The following FANCB variants were observed in gnomAD, a reference collection of about 807,000 sequenced individuals.
The protein encoded by FANCB is Fanconi anemia group B protein.
FANCB carries 5 observed loss-of-function variants against 38.9 expected under a neutral mutation model. The ratio of observed to expected loss-of-function variants is 0.13; its 90% CI spans 0.07 to 0.27. The LOEUF is 0.27. Among genes scored for constraint, FANCB ranks in the 10% least tolerant of loss-of-function variants. The pLI is 1.00. For synonymous variants in FANCB, 236 were observed against 215.4 expected, an observed-to-expected ratio of 1.10 and a Z score of -0.84; for missense variants, 573 against 602.7, an observed-to-expected ratio of 0.95 and a Z score of 0.52.
Position 14,865,457 on chromosome X carries a change from A to G in FANCB, c.54T>C (p.Tyr18=), listed in dbSNP as rs763676399. ...ACTGGAAAACAAGGACTTCCCCATT[A>G]TAACACAAGAGCCTTTCTTGTTCGT... ...SSNEQERLLC[Y]NGEVLVFQLS... Residue 18 remains tyrosine (Y), a synonymous_variant, in exon 3 of 10, where the codon TAT becomes TAC. Coordinates refer to ENST00000650831, the MANE Select transcript of FANCB (RefSeq NM_001018113.3). The G allele has an allele frequency of 1.7e-6, 2 of 1,208,322 alleles. No homozygotes were observed. The highest frequency in any genetic ancestry group is 4.4e-5 in the Admixed American group (2 of 45,777).
downstream of FANCB, among the ~76,000 whole-genome samples, chrX:14,839,120 C>G (rs1768706699): frequency 9.1e-6 from 1 of 110,454 alleles, no homozygotes; most frequent in Admixed American, 9.7e-5. Context: ...ATGGTGAAAC[C>G]CCATCTCTAC....
At chrX:14,743,138 C>T in the FANCB span, among the ~76,000 whole-genome samples, 8 of 111,993 alleles carry the variant, frequency 7.1e-5, no homozygotes, top group East Asian at 1.4e-3. Context: ...ACCACCACCA[C>T]CATGATCATA....
chrX:14,750,545 T>A, the FANCB span, among the ~76,000 whole-genome samples: 1 of 111,453 alleles, frequency 9.0e-6, no homozygotes, highest in Admixed American at 9.5e-5. Context: ...TGGTGAGAAC[T>A]TTTTATACAT....
At chrX:14,754,244 T>C in the FANCB span, among the ~76,000 whole-genome samples, 1 of 112,286 alleles carries the variant, frequency 8.9e-6, no homozygotes, top group Admixed American at 9.4e-5. Flanking sequence ...AAAAACATCA[T>C]AGGGGAGACT....
At chrX:14,845,971 T>C (rs767427648) in intron 7 of FANCB, among the ~76,000 whole-genome samples, 3 of 111,942 alleles carry the variant, frequency 2.7e-5, no homozygotes, top group Non-Finnish European at 5.7e-5. Flanking sequence ...AATTTAATAC[T>C]GAAAACTCCT....
the FANCB span, among the ~76,000 whole-genome samples, chrX:14,773,118 T>C: frequency 1.8e-5 from 2 of 112,488 alleles, no homozygotes; most frequent in African/African-American, 6.5e-5. Context: ...TGCCACAGAC[T>C]GCAGATGCTT....
chrX:14,746,352 G>C, the FANCB span, among the ~76,000 whole-genome samples: 6 of 111,921 alleles, frequency 5.4e-5, no homozygotes, highest in Non-Finnish European at 1.1e-4. Context: ...GCCATTACAA[G>C]ATTTTAAGAG....
the FANCB span, among the ~76,000 whole-genome samples, chrX:14,722,705 C>G: frequency 1.8e-4 from 20 of 111,795 alleles, no homozygotes; most frequent in East Asian, 2.0e-3. Flanking sequence ...GGAACTGCTT[C>G]TCTTCTCTTT....
the FANCB span, among the ~76,000 whole-genome samples, chrX:14,810,111 T>C: frequency 8.9e-6 from 1 of 112,158 alleles, no homozygotes; most frequent in Non-Finnish European, 1.9e-5. Flanking sequence ...GGGTCCTGTC[T>C]GTTAGAAGGA....
chrX:14,806,729 A>C, the FANCB span, among the ~76,000 whole-genome samples: 2 of 112,132 alleles, frequency 1.8e-5, no homozygotes, highest in African/African-American at 6.5e-5. Context: ...AGCCCATATA[A>C]GAAAGTCACA....
the FANCB span, among the ~76,000 whole-genome samples, chrX:14,750,343 G>C: frequency 8.9e-6 from 1 of 111,782 alleles, no homozygotes; most frequent in African/African-American, 3.3e-5. Context: ...CGGATTGGCA[G>C]GTAGCTTTTC....
At position 14,848,160 on chromosome X, in the gene FANCB, T is replaced by C. The variant is rs185933280; in HGVS notation, c.1496+2345A>G. ...GGGAGACCCCCTGAAACTATTGCTA[T>C]GGAATAAAAGATGAAATGCTCCTGA... On this transcript the variant is annotated intron_variant, in intron 7 of 9. Coordinates refer to ENST00000650831, the MANE Select transcript of FANCB (RefSeq NM_001018113.3). 3.1e-3 allele frequency among the ~76,000 whole-genome samples: 344 copies of C among 111,671 alleles called. 1 individual carries two copies. The highest frequency in any genetic ancestry group is 0.01 in the African/African-American group (311 of 30,729).
chrX:14,773,117 C>T, the FANCB span, among the ~76,000 whole-genome samples: 1 of 112,454 alleles, frequency 8.9e-6, no homozygotes, highest in Non-Finnish European at 1.9e-5. Context: ...GTGCCACAGA[C>T]TGCAGATGCT....
intron 4 of FANCB, among the ~76,000 whole-genome samples, chrX:14,858,255 C>T (rs2092431397): frequency 9.1e-6 from 1 of 110,084 alleles, no homozygotes; most frequent in African/African-American, 3.3e-5. Context: ...ATTAGCCAGG[C>T]ATAGTGGCGC....
At chrX:14,821,436 T>G in the FANCB span, among the ~76,000 whole-genome samples, 1 of 111,743 alleles carries the variant, frequency 8.9e-6, no homozygotes, top group East Asian at 2.8e-4. Context: ...AAAGAGTCTA[T>G]CTAATTTCAT....
At chrX:14,740,518 G>A in the FANCB span, among the ~76,000 whole-genome samples, 1 of 111,720 alleles carries the variant, frequency 9.0e-6, no homozygotes, top group African/African-American at 3.3e-5. Flanking sequence ...CCAATACTAG[G>A]AGGTTGGCAA....
At chrX:14,814,170 T>C in the FANCB span, among the ~76,000 whole-genome samples, 3 of 111,225 alleles carry the variant, frequency 2.7e-5, no homozygotes, top group Non-Finnish European at 5.7e-5. Context: ...ATACAAAAAT[T>C]AATTCAAGAT....
the FANCB span, among the ~76,000 whole-genome samples, chrX:14,701,092 AAC>A: frequency 1.8e-5 from 2 of 110,887 alleles, no homozygotes; most frequent in Non-Finnish European, 3.8e-5. Context: ...TGACACAGGA[AAC>A]ACATTCATTT....
At chrX:14,795,757 C>A in the FANCB span, among the ~76,000 whole-genome samples, 2 of 112,067 alleles carry the variant, frequency 1.8e-5, no homozygotes, top group African/African-American at 6.5e-5. Flanking sequence ...AAGATGTCTA[C>A]ACCATAAACA....
Sources: gnomAD v4.1 joint callset for allele counts (sites outside exome capture counted in the v4.1 genomes callset) on GRCh38, gnomAD v4.1.1 for gene constraint, MANE v1.5 for transcripts, NCBI Gene and HGNC (gene_info 2026-07-23, HGNC 2026-07-21) for gene names.